PRKAG2: variants seen among roughly 807,000 people sequenced by gnomAD.
PRKAG2 encodes 5'-AMP-activated protein kinase subunit gamma-2.
PRKAG2 carries 26 observed loss-of-function variants against 69.6 expected under a neutral mutation model. That is an observed-to-expected ratio of 0.37 (90% CI 0.27 to 0.52). PRKAG2 has a LOEUF of 0.52. PRKAG2 is among the 20% of genes least tolerant of loss of function. The pLI is 0.90. For missense variants in PRKAG2, 557 were observed against 740.0 expected (o/e 0.75, Z 2.87); for synonymous variants, 293 against 285.0 (o/e 1.03, Z -0.28).
At chr7:151,838,281 T>C (rs1461293484) in intron 1 of PRKAG2, among the ~76,000 whole-genome samples, 1 of 152,136 alleles carries the variant, frequency 6.6e-6, no homozygotes, top group East Asian at 1.9e-4. Context: ...ATGAAGGGCC[T>C]GGTGTCCCTT....
intron 4 of PRKAG2, chr7:151,675,039 A>C (rs1375547556): frequency 5.7e-6 from 2 of 347,946 alleles, no homozygotes; most frequent in Non-Finnish European, 1.1e-5. Context: ...CTTATGCCTC[A>C]GCCTCCCGAG....
intron 5 of PRKAG2, among the ~76,000 whole-genome samples, chr7:151,606,591 G>A (rs967284123): frequency 2.0e-5 from 3 of 152,128 alleles, no homozygotes; most frequent in African/African-American, 7.2e-5. Flanking sequence ...AGGCTGAGCT[G>A]GGTGGATCAC....
rs1826338998 is a variant in PRKAG2, at chr7:151,639,687, G to GT, written c.685-7550dup. ...GGGACTTAACAGCAGCAGCCCTCTG[G>GT]TTTTCAGGCCTTTGGCCTTGGACTG... On this transcript the variant is annotated intron_variant, in intron 4 of 15. Transcript: ENST00000287878. 2.6e-5 allele frequency among the ~76,000 whole-genome samples: 4 copies of GT among 152,184 alleles called. No homozygotes were observed. In the South Asian group the frequency reaches 8.3e-4, roughly 32 times the overall value.
intron 5 of PRKAG2, chr7:151,631,867 C>T: frequency 2.0e-6 from 1 of 509,160 alleles, no homozygotes; most frequent in South Asian, 1.7e-5. Context: ...GCGTCCCCTC[C>T]GCGGACGCCC....
chr7:151,814,815 C>T lies in PRKAG2; in HGVS notation c.115-28274G>A, dbSNP rs762455137. 9.1e-5 allele frequency: 112 copies of T among 1,231,670 alleles called. No individual in the cohort carries two copies. The highest frequency in any genetic ancestry group is 1.6e-4 in the East Asian group (5 of 31,714). 76.3% of individuals were successfully genotyped at this position (1,231,670 alleles called of 1,614,324 possible). A position where few individuals can be genotyped will look rare whatever the true frequency, so the allele number is the denominator to read the frequency against. On this transcript the variant is annotated intron_variant, in intron 1 of 15. Coordinates refer to ENST00000287878, the MANE Select transcript of PRKAG2 (RefSeq NM_016203.4). The surrounding 1 kb of genome is among the most constrained non-coding windows in gnomAD (Gnocchi z 4.8). Reference sequence around the variant, plus strand: ...GAGCTCGGGCAGATTCCCCCATTGACGGGACTGCAGCAAACTGTCATTCCC... The same window carrying T: ...GAGCTCGGGCAGATTCCCCCATTGATGGGACTGCAGCAAACTGTCATTCCC...
At chr7:151,683,045 T>C (rs986887339) in intron 3 of PRKAG2, among the ~76,000 whole-genome samples, 7 of 152,210 alleles carry the variant, frequency 4.6e-5, no homozygotes, top group African/African-American at 1.4e-4. Flanking sequence ...TTAAGGACTT[T>C]GTTTAGGACG....
chr7:151,817,079 C>T (rs977351294), intron 1 of PRKAG2, among the ~76,000 whole-genome samples: 6 of 152,158 alleles, frequency 3.9e-5, no homozygotes, highest in South Asian at 2.1e-4. Context: ...AGCTGCCCAC[C>T]GCAAGCACGG....
rs1174792329 is a variant in PRKAG2 at position 151,675,603 on chromosome 7, G to T, written c.501C>A (p.Thr167=). 4 of 1,613,958 alleles carry T rather than the reference G, an allele frequency of 2.5e-6. No homozygotes were observed. The African/African-American group carries it at 5.3e-5, about 22-fold the overall frequency. ...GAAACGTGTGCTGCTTGGTCACTTG[G>T]GTGGGTGTTGACGGAGAGGAGGAGA... ...SGLSSSPSTP[T]QVTKQHTFPL... Residue 167 remains threonine, a synonymous_variant, in exon 4 of 16, where the codon ACC becomes ACA. Transcript: ENST00000287878.
chr7:151,842,674 T>A (rs1275367326), intron 1 of PRKAG2, among the ~76,000 whole-genome samples: 3 of 141,780 alleles, frequency 2.1e-5, no homozygotes, highest in Non-Finnish European at 3.0e-5. Context: ...TAGGTAGTGA[T>A]GATGGTAGTG....
chr7:151,728,950 G>T (rs564735347), intron 3 of PRKAG2, among the ~76,000 whole-genome samples: 1 of 152,226 alleles, frequency 6.6e-6, no homozygotes, highest in Non-Finnish European at 1.5e-5. Context: ...TGACATCCAA[G>T]GACACGCACC....
intron 14 of PRKAG2, among the ~76,000 whole-genome samples, chr7:151,562,042 C>G (rs952992453): frequency 1.3e-5 from 2 of 151,184 alleles, no homozygotes; most frequent in African/African-American, 4.9e-5. Flanking sequence ...ATCAAGTGCT[C>G]GAGACCAGCC....
chr7:151,767,222 C>T (rs562470150), intron 3 of PRKAG2, among the ~76,000 whole-genome samples: 110 of 152,356 alleles, frequency 7.2e-4, no homozygotes, highest in African/African-American at 2.0e-3. Context: ...CCCTCACAGC[C>T]TCAGAAGGAG....
intron 3 of PRKAG2, among the ~76,000 whole-genome samples, chr7:151,775,662 G>A (rs748680583): frequency 4.6e-5 from 7 of 152,238 alleles, no homozygotes; most frequent in South Asian, 2.1e-4. Context: ...GCTATTACAC[G>A]ATTAATGTCT....
chr7:151,595,137 G>C (rs1814145130), intron 6 of PRKAG2, among the ~76,000 whole-genome samples: 1 of 152,096 alleles, frequency 6.6e-6, no homozygotes, highest in African/African-American at 2.4e-5. Context: ...TATAATTTGA[G>C]CTTCCCTGTC....
At chr7:151,805,739 T>A (rs1260954244) in intron 1 of PRKAG2, among the ~76,000 whole-genome samples, 1 of 152,190 alleles carries the variant, frequency 6.6e-6, no homozygotes, top group Non-Finnish European at 1.5e-5. Flanking sequence ...TATACTATGA[T>A]TACTGAACCC....
chr7:151,865,529 C>T (rs1385314866), intron 1 of PRKAG2, among the ~76,000 whole-genome samples: 1 of 152,232 alleles, frequency 6.6e-6, no homozygotes, highest in African/African-American at 2.4e-5. Flanking sequence ...ATGTGGATCA[C>T]AGTGAGACCC....
At chr7:151,801,462 G>A (rs2077833016) in intron 1 of PRKAG2, among the ~76,000 whole-genome samples, 1 of 152,206 alleles carries the variant, frequency 6.6e-6, no homozygotes, top group African/African-American at 2.4e-5. Flanking sequence ...GGCTCCAGAT[G>A]GAGGCCAGGG....
intron 3 of PRKAG2, among the ~76,000 whole-genome samples, chr7:151,773,071 GAGGGAGGGAGGGAGGGAGGGAGGGA>G (rs1303852911): frequency 6.8e-5 from 4 of 58,524 alleles, no homozygotes; most frequent in African/African-American, 1.2e-4. Context: ...GGGAGGGAGG[GAGGGAGGGAGGGAGGGAGGGAGGGA>G]AGGGAAGGGA....
At chr7:151,871,019 T>G (rs1455367265) in intron 1 of PRKAG2, among the ~76,000 whole-genome samples, 1 of 152,202 alleles carries the variant, frequency 6.6e-6, no homozygotes, top group Non-Finnish European at 1.5e-5. Context: ...CCTGCCTCAG[T>G]GTCCCCAAAG....
Sources: allele counts gnomAD v4.1 joint callset (sites outside exome capture counted in the v4.1 genomes callset), GRCh38; gene constraint gnomAD v4.1.1; non-coding constraint Gnocchi (gnomAD v3.1); transcripts MANE v1.5; gene names NCBI Gene and HGNC (gene_info 2026-07-23, HGNC 2026-07-21).